Variants in STK32A observed in about 807,000 individuals in gnomAD.
STK32A encodes the protein serine/threonine kinase 32A.
In STK32A, 41 loss-of-function variants were observed where a neutral mutation model predicts 53.2. The ratio of observed to expected loss-of-function variants is 0.77; its 90% CI spans 0.60 to 1.00. The LOEUF is 1.00. STK32A is among the 50% of genes least tolerant of loss of function. The probability of loss-of-function intolerance (pLI) is 0.00; values close to 1 mark genes in which losing one functional copy is unlikely to be tolerated. For missense variants in STK32A, 458 were observed against 485.8 expected, an observed-to-expected ratio of 0.94 and a Z score of 0.54; for synonymous variants, 166 against 162.8, an observed-to-expected ratio of 1.02 and a Z score of -0.15.
chr5:147,356,781 T>A (rs1218578609), intron 7 of STK32A, among the ~76,000 whole-genome samples: 1 of 151,930 alleles, frequency 6.6e-6, no homozygotes, highest in East Asian at 1.9e-4. Context: ...GGCCAACCAG[T>A]ATAGTGCAAA....
intron 4 of STK32A, among the ~76,000 whole-genome samples, chr5:147,297,389 T>C (rs73797615): frequency 2.9e-3 from 447 of 152,246 alleles, no homozygotes; most frequent in African/African-American, 0.01. Context: ...GGTCAAGAGT[T>C]ATACAAATGA....
intron 8 of STK32A, among the ~76,000 whole-genome samples, chr5:147,369,562 G>A (rs757467479): frequency 3.3e-5 from 5 of 152,120 alleles, no homozygotes; most frequent in South Asian, 2.1e-4. Context: ...CTCAGAAATT[G>A]AGTGGAGAAG....
At chr5:147,296,859 G>A (rs1027921278) in intron 4 of STK32A, among the ~76,000 whole-genome samples, 1 of 152,040 alleles carries the variant, frequency 6.6e-6, no homozygotes, top group South Asian at 2.1e-4. Flanking sequence ...AGTTAAATAG[G>A]TGGGCTTTTC....
Position 147,327,170 on chromosome 5 carries a change from T to C in STK32A, c.434+3099T>C, listed in dbSNP as rs1382136553. Among the ~76,000 whole-genome samples the C allele has an allele frequency of 3.3e-5, 5 of 152,160 alleles. No homozygotes were observed. In the East Asian group the frequency reaches 7.7e-4, roughly 23 times the overall value. ...GATCCCTTTGTTTAAGGAATTTAAA[T>C]GATAATAACTTTGTCAATCTGAGAC... On this transcript the variant is annotated intron_variant, in intron 5 of 12. Transcript: ENST00000397936.
rs961392161 is a variant in STK32A, at chr5:147,384,859, G to A, written c.*876G>A. ...ACACTGAAAGTATGTCCACCTTGCA[G>A]TTCAGAAAAGTTGCATCTTATATGG... On this transcript the variant is annotated 3_prime_UTR_variant, in exon 13 of 13. Coordinates refer to ENST00000397936, the MANE Select transcript of STK32A (RefSeq NM_001112724.2). 1 of 159,620 alleles carries A rather than the reference G, an allele frequency of 6.3e-6. No homozygotes were observed. The highest frequency in any genetic ancestry group is 2.4e-5 in the African/African-American group (1 of 41,698). The allele number at this position is 159,620 out of a possible 1,614,324, so 9.9% of individuals were successfully genotyped here.
chr5:147,347,738 G>A (rs988090203), intron 6 of STK32A, among the ~76,000 whole-genome samples: 3 of 152,174 alleles, frequency 2.0e-5, no homozygotes, highest in African/African-American at 7.2e-5. Flanking sequence ...GCAGGAGACT[G>A]AACCCTTTCC....
chr5:147,317,563 G>A (rs1412236362), intron 4 of STK32A, among the ~76,000 whole-genome samples: 1 of 151,834 alleles, frequency 6.6e-6, no homozygotes, highest in Non-Finnish European at 1.5e-5. Flanking sequence ...CTGACCTCGT[G>A]ATCCACCCGC....
At chr5:147,252,242 AC>A (rs148894817) in intron 2 of STK32A, among the ~76,000 whole-genome samples, 2,291 of 152,250 alleles carry the variant, frequency 0.015, 56 homozygotes, top group African/African-American at 0.052. Context: ...TTAATATGAT[AC>A]CTTGTGGGAT....
At chr5:147,367,320 C>G (rs1756801567) in intron 8 of STK32A, among the ~76,000 whole-genome samples, 1 of 152,146 alleles carries the variant, frequency 6.6e-6, no homozygotes, top group Admixed American at 6.5e-5. Context: ...CCTGCCTTGG[C>G]CCTGCAAAGT....
intron 5 of STK32A, among the ~76,000 whole-genome samples, chr5:147,337,973 G>A (rs553770934): frequency 2.0e-4 from 31 of 152,136 alleles, no homozygotes; most frequent in Non-Finnish European, 4.3e-4. Flanking sequence ...AAAGATTATT[G>A]GAGGCAAGTC....
chr5:147,364,215 CA>C (rs764357691), intron 8 of STK32A, among the ~76,000 whole-genome samples: 866 of 66,870 alleles, frequency 0.013, 3 homozygotes, highest in African/African-American at 0.037. Flanking sequence ...AACTCCATCT[CA>C]AAAAAAAAAA....
intron 4 of STK32A, among the ~76,000 whole-genome samples, chr5:147,317,323 CTTTTT>C (rs3064294): frequency 0.01 from 846 of 81,290 alleles, 3 homozygotes; most frequent in Middle Eastern, 0.043. Context: ...CTTTTTCTTT[CTTTTT>C]TTTTTTTTTT....
rs1019202243 is a variant in STK32A at position 147,380,393 on chromosome 5, C to T, written c.1033-3048C>T. ...CTCTCTTCTGTGCTTTGTATTGTTT[C>T]CTCTCCTGTCACCTAAACAGGCACT... is the stretch of plus-strand genomic sequence containing the variant. On this transcript the variant is annotated intron_variant, in intron 11 of 12. Coordinates refer to ENST00000397936, the MANE Select transcript of STK32A (RefSeq NM_001112724.2). 2.6e-5 allele frequency among the ~76,000 whole-genome samples: 4 copies of T among 152,072 alleles called. 1 individual carries two copies. In the Middle Eastern group the frequency reaches 0.014, roughly 517 times the overall value.
intron 2 of STK32A, among the ~76,000 whole-genome samples, chr5:147,277,553 T>C (rs1284824219): frequency 6.6e-6 from 1 of 152,212 alleles, no homozygotes; most frequent in Non-Finnish European, 1.5e-5. Context: ...CTTAGAGGTG[T>C]AATATTTTCC....
intron 5 of STK32A, among the ~76,000 whole-genome samples, chr5:147,326,685 T>A (rs542069509): frequency 6.6e-6 from 1 of 152,318 alleles, no homozygotes; most frequent in South Asian, 2.1e-4. Flanking sequence ...TATAGGACAT[T>A]AAATCCAAAG....
intron 6 of STK32A, chr5:147,343,269 T>C: frequency 1.4e-6 from 1 of 721,146 alleles, no homozygotes; most frequent in Non-Finnish European, 2.5e-6. Flanking sequence ...GAGAAAATCA[T>C]AGTCTACTCA....
At chr5:147,278,277 A>T in intron 3 of STK32A, 98 bp downstream of exon 3, 1 of 912,368 alleles carries the variant, frequency 1.1e-6, no homozygotes, top group South Asian at 1.7e-5. Flanking sequence ...CTGGGACCGC[A>T]AGGAAAGATA....
intron 4 of STK32A, among the ~76,000 whole-genome samples, chr5:147,281,887 C>T (rs1420294588): frequency 1.3e-5 from 2 of 152,090 alleles, no homozygotes; most frequent in Non-Finnish European, 2.9e-5. Context: ...AAAGGAAAAC[C>T]TATTAGATTA....
At chr5:147,379,939 C>T (rs1271583928) in intron 11 of STK32A, among the ~76,000 whole-genome samples, 1 of 152,084 alleles carries the variant, frequency 6.6e-6, no homozygotes, top group South Asian at 2.1e-4. Flanking sequence ...TTTATGGCTA[C>T]TCCTGTTGAT....
Sources: gnomAD v4.1 joint callset for allele counts (sites outside exome capture counted in the v4.1 genomes callset) on GRCh38, gnomAD v4.1.1 for gene constraint, MANE v1.5 for transcripts, NCBI Gene and HGNC (gene_info 2026-07-23, HGNC 2026-07-21) for gene names.